GPALPP1: variants seen among roughly 807,000 people sequenced by gnomAD.
GPALPP1 encodes GPALPP motifs-containing protein 1.
Under a neutral mutation model 38.9 loss-of-function variants are expected in GPALPP1, and 30 were observed. That is an observed-to-expected ratio of 0.77 (90% CI 0.58 to 1.05). The LOEUF (loss-of-function observed/expected upper bound fraction) is 1.05, where lower values mean the gene tolerates loss of function less well. Ranked by LOEUF, GPALPP1 falls within the 50% of genes least tolerant of loss-of-function variation. GPALPP1 has a pLI of 0.00. For missense variants in GPALPP1, 384 were observed against 408.8 expected (o/e 0.94, Z 0.52); for synonymous variants, 120 against 139.2 (o/e 0.86, Z 0.97).
At chr13:45,006,452 G>T in intron 3 of GPALPP1, 149 bp downstream of exon 3, 1 of 516,188 alleles carries the variant, frequency 1.9e-6, no homozygotes, top group Non-Finnish European at 3.4e-6. Context: ...AAAAGAAGTT[G>T]TTTCCTACAA....
chr13:44,997,322 T>A (rs1002253870), intron 1 of GPALPP1, among the ~76,000 whole-genome samples: 1 of 152,152 alleles, frequency 6.6e-6, no homozygotes. Flanking sequence ...TAACTTCATT[T>A]GAATACTCTG....
At chr13:45,002,552 T>A (rs1437265245) in intron 1 of GPALPP1, 2 of 152,262 alleles carry the variant, frequency 1.3e-5, no homozygotes, top group Non-Finnish European at 2.9e-5. Flanking sequence ...AAGACTTTGT[T>A]AGGTGTTTTG....
At chr13:45,004,169 C>A in intron 1 of GPALPP1, 136 bp from the exon 2 acceptor site, 1 of 681,302 alleles carries the variant, frequency 1.5e-6, no homozygotes, top group African/African-American at 1.8e-5. Flanking sequence ...CAAACAACAG[C>A]AATTGAGATT....
At chr13:45,008,308 T>C (rs1874241720) in intron 3 of GPALPP1, among the ~76,000 whole-genome samples, 2 of 152,216 alleles carry the variant, frequency 1.3e-5, no homozygotes, top group South Asian at 4.1e-4. Flanking sequence ...TTGCTGGCAT[T>C]GTCTGCACAT....
chr13:44,993,636 CGCGCCACT>C (rs1873015887), intron 1 of GPALPP1, among the ~76,000 whole-genome samples: 2 of 151,042 alleles, frequency 1.3e-5, no homozygotes, highest in African/African-American at 4.9e-5. Flanking sequence ...GAGCCGAGAT[CGCGCCACT>C]GCACTCCAGC....
intron 7 of GPALPP1, 148 bp downstream of exon 7, chr13:45,020,576 C>A: frequency 2.1e-4 from 88 of 419,572 alleles, no homozygotes; most frequent in Middle Eastern, 7.0e-4. Flanking sequence ...TTTCTAAAAA[C>A]AATTTTTTTA....
At chr13:44,992,232 G>A (rs1009066920) in intron 1 of GPALPP1, among the ~76,000 whole-genome samples, 10 of 151,970 alleles carry the variant, frequency 6.6e-5, no homozygotes, top group African/African-American at 2.4e-4. Context: ...TATTTCCCTG[G>A]TGACAAATGA....
intron 7 of GPALPP1, 137 bp from the exon 8 acceptor site, chr13:45,027,646 GAA>G (rs60327744): frequency 1.2e-4 from 53 of 438,024 alleles, no homozygotes; most frequent in African/African-American, 6.7e-4. Context: ...CTTGGATTTG[GAA>G]AAAAAAAAAC....
chr13:45,003,944 T>G (rs558881253), intron 1 of GPALPP1, among the ~76,000 whole-genome samples: 50 of 152,262 alleles, frequency 3.3e-4, no homozygotes, highest in South Asian at 1.0e-3. Context: ...TGGGGTTTTT[T>G]TTTGTTTGTT....
intron 7 of GPALPP1, among the ~76,000 whole-genome samples, chr13:45,024,198 T>C (rs1875643937): frequency 3.1e-5 from 2 of 64,138 alleles, no homozygotes; most frequent in South Asian, 1.0e-3. Flanking sequence ...TGTGTGTGTG[T>C]GTGTGTGTGT....
At chr13:45,003,328 GTTAT>G (rs1252283174) in intron 1 of GPALPP1, among the ~76,000 whole-genome samples, 1 of 152,084 alleles carries the variant, frequency 6.6e-6, no homozygotes, top group Non-Finnish European at 1.5e-5. Context: ...CATGTTATTT[GTTAT>G]TTATTTATTA....
chr13:45,034,734 T>A (rs908297521), downstream of GPALPP1: 7 of 146,118 alleles, frequency 4.8e-5, no homozygotes, highest in African/African-American at 1.8e-4. Context: ...TTCTTTTTTT[T>A]TTTTTTTATT....
chr13:45,033,037 C>CAA (rs750971257), downstream of GPALPP1, among the ~76,000 whole-genome samples: 2 of 118,700 alleles, frequency 1.7e-5, no homozygotes, highest in Non-Finnish European at 1.8e-5. Flanking sequence ...ACTCCATCTC[C>CAA]AAAAAAAAAA....
At chr13:45,000,985 AC>A (rs1464457784) in intron 1 of GPALPP1, among the ~76,000 whole-genome samples, 1 of 152,152 alleles carries the variant, frequency 6.6e-6, no homozygotes, top group East Asian at 1.9e-4. Context: ...TGATTCCAAA[AC>A]TAGCCTTAGT....
chr13:44,992,006 C>T (rs1872838687), intron 1 of GPALPP1, among the ~76,000 whole-genome samples: 1 of 152,136 alleles, frequency 6.6e-6, no homozygotes, highest in African/African-American at 2.4e-5. Context: ...ATCCATTTTA[C>T]GTTGGATGAA....
intron 4 of GPALPP1, among the ~76,000 whole-genome samples, chr13:45,010,580 T>TA (rs1301781464): frequency 8.5e-5 from 13 of 152,214 alleles, no homozygotes; most frequent in Non-Finnish European, 1.2e-4. Context: ...TCATCACACT[T>TA]ACAAGGTAGT....
intron 1 of GPALPP1, among the ~76,000 whole-genome samples, chr13:44,997,794 A>G (rs938094912): frequency 1.3e-5 from 2 of 152,062 alleles, no homozygotes; most frequent in African/African-American, 4.8e-5. Context: ...GGTGCTCTCA[A>G]CTGCTTTATC....
rs1401357450 is a variant in GPALPP1, at chr13:45,019,074, TAC to T, written c.706-1254_706-1253del. ...ATATAAATATATACATATAAATATATACATATAAATATATGTATATATATTTA... is the reference window on the plus strand; with the variant it reads ...ATATAAATATATACATATAAATATATATATAAATATATGTATATATATTTA... On this transcript the variant is annotated intron_variant, in intron 6 of 7. Coordinates refer to ENST00000379151, the MANE Select transcript of GPALPP1 (RefSeq NM_018559.5). Among the ~76,000 whole-genome samples the T allele has an allele frequency of 2.1e-4, 28 of 136,446 alleles. 7 individuals are homozygous for T. The highest frequency in any genetic ancestry group is 4.1e-4 in the East Asian group (2 of 4,870). 89.5% of individuals were successfully genotyped at this position (136,446 alleles called of 152,430 possible).
intron 3 of GPALPP1, 74 bp downstream of exon 3, chr13:45,006,377 A>T: frequency 2.8e-6 from 2 of 703,074 alleles, no homozygotes; most frequent in Non-Finnish European, 4.8e-6. Flanking sequence ...GAATTAAAGA[A>T]TTGTCTGAAA....
Sources: gnomAD v4.1 joint callset for allele counts (sites outside exome capture counted in the v4.1 genomes callset) on GRCh38, gnomAD v4.1.1 for gene constraint, MANE v1.5 for transcripts, NCBI Gene and HGNC (gene_info 2026-07-23, HGNC 2026-07-21) for gene names.